The following USP14 variants were observed in gnomAD, a reference collection of about 807,000 sequenced individuals.
USP14 encodes ubiquitin specific peptidase 14.
In USP14, 38 loss-of-function variants were observed where a neutral mutation model predicts 76.5. The ratio of observed to expected loss-of-function variants is 0.50; its 90% CI spans 0.38 to 0.65. The LOEUF is 0.65. Among genes scored for constraint, USP14 ranks in the 30% least tolerant of loss-of-function variants. The pLI, the probability that USP14 is intolerant of heterozygous loss-of-function variation, is 0.00. For missense variants in USP14, 467 were observed against 586.5 expected (o/e 0.80, Z 2.10); for synonymous variants, 192 against 191.7 (o/e 1.00, Z -0.01).
intron 6 of USP14, among the ~76,000 whole-genome samples, chr18:194,888 G>T (rs1485712576): frequency 6.6e-6 from 1 of 152,174 alleles, no homozygotes; most frequent in Non-Finnish European, 1.5e-5. Context: ...CTGAGATTGT[G>T]TCAGTGTACT....
Position 214,377 on chromosome 18 carries a change from A to G in USP14, c.*3093A>G. ...TAGTGCTTATTTAACTTCATTATAA[A>G]TACATCTACTTAACAAAAAAATATA... On this transcript the variant is annotated 3_prime_UTR_variant, in exon 16 of 16. Coordinates refer to ENST00000261601, the MANE Select transcript of USP14 (RefSeq NM_005151.4). The G allele has an allele frequency of 2.5e-6, 1 of 400,250 alleles. No homozygotes were observed. Among genetic ancestry groups the G allele is most frequent in the South Asian group, 4.1e-5 (1 of 24,362 alleles). The allele number at this position is 400,250 out of a possible 1,614,324, so 24.8% of individuals were successfully genotyped here.
intron 3 of USP14, among the ~76,000 whole-genome samples, chr18:173,325 A>T (rs1031909001): frequency 6.6e-6 from 1 of 150,946 alleles, no homozygotes; most frequent in Non-Finnish European, 1.5e-5. Flanking sequence ...GTTAGCCAGG[A>T]TGGTCTCTAT....
intron 3 of USP14, among the ~76,000 whole-genome samples, chr18:176,860 A>G (rs535486598): frequency 7.9e-5 from 12 of 152,154 alleles, no homozygotes; most frequent in African/African-American, 1.2e-4. Flanking sequence ...GTTTTTCTCA[A>G]TATTTTTCAT....
chr18:181,550 T>C (rs180879168), intron 5 of USP14, among the ~76,000 whole-genome samples: 3 of 152,228 alleles, frequency 2.0e-5, no homozygotes, highest in Non-Finnish European at 4.4e-5. Flanking sequence ...TTCAATTGTG[T>C]TTTTACATAT....
chr18:166,392 G>A (rs113023311), intron 2 of USP14, among the ~76,000 whole-genome samples: 32,768 of 151,942 alleles, frequency 0.22, 4,090 homozygotes, highest in Admixed American at 0.3. Flanking sequence ...GAGTGCAGTG[G>A]TGAGATCTCG....
intron 3 of USP14, among the ~76,000 whole-genome samples, chr18:176,276 A>C (rs570679237): frequency 6.6e-6 from 1 of 152,028 alleles, no homozygotes; most frequent in African/African-American, 2.4e-5. Context: ...ATATAATCAT[A>C]TTTTGTTGAA....
At chr18:209,250 A>G (rs556156403) in intron 13 of USP14, among the ~76,000 whole-genome samples, 7 of 152,078 alleles carry the variant, frequency 4.6e-5, no homozygotes, top group Middle Eastern at 3.2e-3. Context: ...TTATCTGTAT[A>G]AAAAAGATGT....
intron 13 of USP14, among the ~76,000 whole-genome samples, chr18:208,380 G>A (rs1178729086): frequency 6.6e-6 from 1 of 152,004 alleles, no homozygotes; most frequent in Non-Finnish European, 1.5e-5. Context: ...AGTAATTTGT[G>A]TTTGTCCCCC....
At chr18:201,553 G>A (rs1414707558) in intron 10 of USP14, among the ~76,000 whole-genome samples, 1 of 152,190 alleles carries the variant, frequency 6.6e-6, no homozygotes, top group East Asian at 1.9e-4. Context: ...GAGCCAGTGT[G>A]GATATGAACA....
intron 3 of USP14, 40 bp downstream of exon 3, chr18:166,859 C>T (rs770909909): frequency 7.0e-6 from 11 of 1,575,170 alleles, no homozygotes; most frequent in Non-Finnish European, 1.7e-6. Context: ...AATGCAGTAA[C>T]CTCATTATGA....
At chr18:196,485 C>G in intron 6 of USP14, 152 bp from the exon 7 acceptor site, 1 of 715,202 alleles carries the variant, frequency 1.4e-6, no homozygotes, top group South Asian at 2.3e-5. Flanking sequence ...GATCGCGCCA[C>G]TGCACTCCAG....
chr18:182,605 T>C (rs1188724085), intron 5 of USP14, among the ~76,000 whole-genome samples: 1 of 152,222 alleles, frequency 6.6e-6, no homozygotes, highest in Non-Finnish European at 1.5e-5. Flanking sequence ...AGAAAGACTA[T>C]CAAGTAAACA....
At chr18:167,815 C>T (rs999293381) in intron 3 of USP14, among the ~76,000 whole-genome samples, 2 of 151,944 alleles carry the variant, frequency 1.3e-5, no homozygotes, top group African/African-American at 2.4e-5. Context: ...CTGTGCCCAG[C>T]CCTTGCATGA....
chr18:165,473 G>A (rs967248448), intron 2 of USP14, among the ~76,000 whole-genome samples: 14 of 152,060 alleles, frequency 9.2e-5, no homozygotes, highest in Admixed American at 4.6e-4. Context: ...CTGTACTAGT[G>A]GTATGCTGTC....
At position 158,869 on chromosome 18, in the gene USP14, C is replaced by T. The variant is rs370457822; in HGVS notation, c.16+155C>T. 1.6e-5 allele frequency: 19 copies of T among 1,168,910 alleles called. No homozygotes were observed. The South Asian group carries it at 3.7e-4, about 23-fold the overall frequency. The allele number at this position is 1,168,910 out of a possible 1,614,324, so 72.4% of individuals were successfully genotyped here. On this transcript the variant is annotated intron_variant, in intron 1 of 15. Transcript: ENST00000261601. ...CGCGGAGATGACCCAGGCACCGTCC[C>T]CTCTCCCGGCTGGGTCGGAGCCCTG...
chr18:204,504 A>G (rs1910472147), intron 12 of USP14, 60 bp from the exon 13 acceptor site: 10 of 1,327,768 alleles, frequency 7.5e-6, no homozygotes, highest in Non-Finnish European at 1.0e-5. Context: ...GATATGTGAT[A>G]CTTTAAATAA....
At chr18:182,787 G>A (rs1909820719) in intron 5 of USP14, among the ~76,000 whole-genome samples, 1 of 152,160 alleles carries the variant, frequency 6.6e-6, no homozygotes, top group African/African-American at 2.4e-5. Context: ...TGTGAGAGTG[G>A]ACTGGAGGAA....
At chr18:207,031 T>TCCA (rs1555603120) in intron 13 of USP14, among the ~76,000 whole-genome samples, 2 of 146,854 alleles carry the variant, frequency 1.4e-5, no homozygotes, top group African/African-American at 2.4e-5. Context: ...GTTTTGCATG[T>TCCA]GAATATCTGG....
chr18:206,165 A>G (rs924423849), intron 13 of USP14, among the ~76,000 whole-genome samples: 7 of 152,228 alleles, frequency 4.6e-5, no homozygotes, highest in South Asian at 2.1e-4. Flanking sequence ...GTACCATTTT[A>G]CATTTCCACC....
Sources: gnomAD v4.1 joint callset for allele counts (sites outside exome capture counted in the v4.1 genomes callset) on GRCh38, gnomAD v4.1.1 for gene constraint, MANE v1.5 for transcripts, NCBI Gene and HGNC (gene_info 2026-07-23, HGNC 2026-07-21) for gene names.